The following P3H2 variants were observed in gnomAD, a reference collection of about 807,000 sequenced individuals.
P3H2 encodes leprecan-like 1.
Under a neutral mutation model 87.0 loss-of-function variants are expected in P3H2, and 80 were observed. The ratio of observed to expected loss-of-function variants is 0.92; its 90% CI spans 0.77 to 1.11. P3H2 has a LOEUF of 1.11. Among genes scored for constraint, P3H2 ranks in the 50% least tolerant of loss-of-function variants. P3H2 has a pLI of 0.00. For missense variants in P3H2, 1,001 were observed against 923.9 expected (o/e 1.08, Z -1.08); for synonymous variants, 367 against 359.3 (o/e 1.02, Z -0.24).
Position 190,029,437 on chromosome 3 carries a change from G to A in P3H2, c.481-33995C>T, listed in dbSNP as rs531157223. ...TTTATTCATTCACATGCCAAGTTTC[G>A]GGCTGTCACAACTGATAATCCTCTA... On this transcript the variant is annotated intron_variant, in intron 1 of 14. Coordinates refer to ENST00000319332, the MANE Select transcript of P3H2 (RefSeq NM_018192.4). Among the ~76,000 whole-genome samples the A allele has an allele frequency of 2.2e-3, 341 of 151,888 alleles. 2 individuals carry two copies. The highest frequency in any genetic ancestry group is 7.8e-3 in the African/African-American group (323 of 41,450).
At chr3:190,089,281 A>G (rs576192394) in intron 1 of P3H2, among the ~76,000 whole-genome samples, 10 of 152,332 alleles carry the variant, frequency 6.6e-5, no homozygotes, top group South Asian at 4.1e-4. Flanking sequence ...TGACGAGTTA[A>G]TGGGTGCAGC....
At chr3:189,987,004 A>C (rs999253229) in intron 5 of P3H2, 127 bp from the exon 6 acceptor site, 19 of 697,194 alleles carry the variant, frequency 2.7e-5, no homozygotes, top group African/African-American at 7.1e-5. Flanking sequence ...CAGAACTGCA[A>C]GACTTGGCCC....
At chr3:189,966,706 A>G (rs1723018256) in intron 13 of P3H2, among the ~76,000 whole-genome samples, 1 of 152,192 alleles carries the variant, frequency 6.6e-6, no homozygotes, top group African/African-American at 2.4e-5. Flanking sequence ...GAACTCATTA[A>G]ATTTTATCTT....
At chr3:190,048,653 C>T (rs1719635) in intron 1 of P3H2, among the ~76,000 whole-genome samples, 127,524 of 152,226 alleles carry the variant, frequency 0.84, 53,859 homozygotes, top group African/African-American at 0.95. Context: ...CTTGACATCA[C>T]TGGCTATAAA....
chr3:190,096,657 G>C (rs545222737), intron 1 of P3H2, among the ~76,000 whole-genome samples: 3 of 152,294 alleles, frequency 2.0e-5, no homozygotes, highest in Admixed American at 2.0e-4. Context: ...CCCACATTCA[G>C]TCATGCAATT....
chr3:189,972,901 G>A lies in P3H2; in HGVS notation c.1672C>T (p.His558Tyr), dbSNP rs142826976. Residue 558 changes from histidine (H) to tyrosine (Y), a missense_variant, in exon 11 of 15, where the codon CAC (histidine) becomes TAC (tyrosine). Coordinates refer to ENST00000319332, the MANE Select transcript of P3H2 (RefSeq NM_018192.4). ...GACAGGGCTGTTCGGCAGACCATGT[G>A]TGTATAGGAAAAATACAGAGTTGAG... is the stretch of plus-strand genomic sequence containing the variant. ...LNSTLYFSYTHMVCRTALSGQ... is the reference protein window; with the variant it reads ...LNSTLYFSYTYMVCRTALSGQ... 2 of 1,614,064 alleles carry A rather than the reference G, an allele frequency of 1.2e-6. No individual in the cohort carries two copies. The highest frequency in any genetic ancestry group is 1.1e-5 in the South Asian group (1 of 91,080).
chr3:190,111,685 G>T (rs142469468), intron 1 of P3H2, among the ~76,000 whole-genome samples: 17 of 152,290 alleles, frequency 1.1e-4, no homozygotes, highest in Non-Finnish European at 2.1e-4. Context: ...CTTCCTCCAT[G>T]AAACCAGTTT....
At chr3:189,979,254 T>C (rs1158571762) in intron 8 of P3H2, among the ~76,000 whole-genome samples, 1 of 140,090 alleles carries the variant, frequency 7.1e-6, no homozygotes, top group Non-Finnish European at 1.6e-5. Context: ...TGAAACCCCA[T>C]CTCTACTAAA....
intron 1 of P3H2, among the ~76,000 whole-genome samples, chr3:190,039,446 T>A (rs536056730): frequency 3.3e-5 from 5 of 152,346 alleles, no homozygotes; most frequent in Non-Finnish European, 5.9e-5. Context: ...ATATAGCATG[T>A]GTTATCTTCA....
chr3:189,987,676 G>A lies in P3H2; in HGVS notation c.956-7C>T, dbSNP rs1300049335. On this transcript the variant is annotated splice_polypyrimidine_tract_variant and splice_region_variant and intron_variant, in intron 4 of 14. Coordinates refer to ENST00000319332, the MANE Select transcript of P3H2 (RefSeq NM_018192.4). ...GCTTTCACATACTCACCAACTGAAA[G>A]ACAAAGGAGTTGCAGCATTAGAGTC... 33 of 1,613,952 alleles carry A rather than the reference G, an allele frequency of 2.0e-5. No individual in the cohort carries two copies. The highest frequency in any genetic ancestry group is 2.8e-5 in the Non-Finnish European group (33 of 1,179,902).
At chr3:190,003,646 A>C (rs1724289363) in intron 1 of P3H2, among the ~76,000 whole-genome samples, 1 of 152,226 alleles carries the variant, frequency 6.6e-6, no homozygotes, top group Admixed American at 6.5e-5. Flanking sequence ...AGGAGAGCAC[A>C]TTATCTTAGT....
At chr3:190,112,809 T>C (rs1347878374) in intron 1 of P3H2, among the ~76,000 whole-genome samples, 1 of 151,744 alleles carries the variant, frequency 6.6e-6, no homozygotes, top group Non-Finnish European at 1.5e-5. Context: ...TAGAGATATG[T>C]GTAGGCCATT....
At chr3:190,102,245 T>G (rs1711654773) in intron 1 of P3H2, among the ~76,000 whole-genome samples, 1 of 152,224 alleles carries the variant, frequency 6.6e-6, no homozygotes, top group Non-Finnish European at 1.5e-5. Context: ...CAAGTCTTAT[T>G]ATTTAAGAAA....
At chr3:190,009,731 CAT>C (rs1390976861) in intron 1 of P3H2, among the ~76,000 whole-genome samples, 1 of 152,168 alleles carries the variant, frequency 6.6e-6, no homozygotes, top group Non-Finnish European at 1.5e-5. Flanking sequence ...CCCAGAAAAA[CAT>C]GTGGTTTTAT....
At position 190,053,500 on chromosome 3, in the gene P3H2, C is replaced by T. The variant is rs530442226; in HGVS notation, c.481-58058G>A. The stretch of plus-strand genomic sequence containing the variant: ...AGTTCCACTCTTGTCACCCAGGCCC[C>T]AGTCTGGAGTGCAATGGCACAATCT... On this transcript the variant is annotated intron_variant, in intron 1 of 14. Transcript: ENST00000319332. 7.3e-5 allele frequency among the ~76,000 whole-genome samples: 11 copies of T among 150,876 alleles called. No individual in the cohort carries two copies. The East Asian group carries it at 1.6e-3, about 21-fold the overall frequency.
At chr3:190,064,943 C>G (rs956166549) in intron 1 of P3H2, among the ~76,000 whole-genome samples, 1 of 152,134 alleles carries the variant, frequency 6.6e-6, no homozygotes, top group African/African-American at 2.4e-5. Flanking sequence ...GGCTGTTCAG[C>G]TAATTCCATC....
chr3:189,970,608 A>G (rs1723149268), intron 13 of P3H2, among the ~76,000 whole-genome samples: 1 of 152,050 alleles, frequency 6.6e-6, no homozygotes, highest in Non-Finnish European at 1.5e-5. Context: ...TAATATCTCA[A>G]TTCTTTAATT....
At chr3:190,040,223 C>T (rs1006087895) in intron 1 of P3H2, among the ~76,000 whole-genome samples, 6 of 152,132 alleles carry the variant, frequency 3.9e-5, no homozygotes, top group Non-Finnish European at 8.8e-5. Flanking sequence ...TGCATAGATT[C>T]CAGGGGAGAT....
At chr3:189,969,308 A>C in intron 13 of P3H2, 2 of 918,004 alleles carry the variant, frequency 2.2e-6, no homozygotes, top group East Asian at 2.4e-5. Context: ...CCCCAGGTGC[A>C]GAACATGAAG....
Sources: allele counts gnomAD v4.1 joint callset (sites outside exome capture counted in the v4.1 genomes callset), GRCh38; gene constraint gnomAD v4.1.1; transcripts MANE v1.5; gene names NCBI Gene and HGNC (gene_info 2026-07-23, HGNC 2026-07-21).